Variants in DKK4 observed in about 807,000 individuals in gnomAD.
The protein encoded by DKK4 is dickkopf Wnt signaling pathway inhibitor 4, also known as dickkopf-related protein 4.
Under a neutral mutation model 14.5 loss-of-function variants are expected in DKK4, and 15 were observed. The observed-to-expected ratio is 1.03, with a 90% CI of 0.69 to 1.59. The LOEUF is 1.59. Among genes scored for constraint, DKK4 ranks in the 40% most tolerant of loss-of-function variants. The pLI, the probability that DKK4 is intolerant of heterozygous loss-of-function variation, is 0.00. For synonymous variants in DKK4, 89 were observed against 105.2 expected, an observed-to-expected ratio of 0.85 and a Z score of 0.94; for missense variants, 272 against 280.3, an observed-to-expected ratio of 0.97 and a Z score of 0.21.
At chr8:42,380,244 G>T (rs1824647313), upstream of DKK4, among the ~76,000 whole-genome samples, 1 of 151,852 alleles carries the variant, frequency 6.6e-6, no homozygotes, top group Admixed American at 6.6e-5. Flanking sequence ...GAGGCAAGAG[G>T]ATTGCTTGAG....
the DKK4 span, among the ~76,000 whole-genome samples, chr8:42,384,993 A>G: frequency 6.6e-6 from 1 of 152,210 alleles, no homozygotes; most frequent in African/African-American, 2.4e-5. Context: ...AGTGACTGAG[A>G]CTAAATGACT....
upstream of DKK4, among the ~76,000 whole-genome samples, chr8:42,381,968 G>T (rs1160838657): frequency 6.6e-6 from 1 of 152,216 alleles, no homozygotes; most frequent in Non-Finnish European, 1.5e-5. Flanking sequence ...CTGCACTCCA[G>T]CCTGGGCGAC....
upstream of DKK4, among the ~76,000 whole-genome samples, chr8:42,377,717 A>C (rs1167123492): frequency 1.3e-5 from 2 of 152,228 alleles, no homozygotes; most frequent in Non-Finnish European, 2.9e-5. Flanking sequence ...ACGCCCCCTG[A>C]TTAGCTCTGG....
rs781267904 is a variant in DKK4, at chr8:42,375,729, C to T, written c.213G>A (p.Arg71=). ...AGCACATGGCATCTCGCTGGCACCT[C>T]CTCCGCAACCCACGACATGTAGCAC... is the stretch of plus-strand genomic sequence containing the variant. ...PFCATCRGLR[R]RCQRDAMCCP... The change falls in exon 2 of 4, where the codon AGG becomes AGA. Residue 71 remains arginine (R), a synonymous_variant. Transcript: ENST00000220812. 43 of 1,613,910 alleles carry T rather than the reference C, an allele frequency of 2.7e-5. No individual in the cohort carries two copies. The highest frequency in any genetic ancestry group is 3.1e-5 in the Non-Finnish European group (36 of 1,180,034).
chr8:42,382,667 G>T, the DKK4 span, among the ~76,000 whole-genome samples: 1 of 152,218 alleles, frequency 6.6e-6, no homozygotes, highest in East Asian at 1.9e-4. Flanking sequence ...TCTGGCCAAG[G>T]TGCTGCCATA....
the DKK4 span, among the ~76,000 whole-genome samples, chr8:42,385,185 A>T: frequency 1.7e-4 from 26 of 152,294 alleles, no homozygotes; most frequent in Non-Finnish European, 3.7e-4. Flanking sequence ...TGAGCCCAGT[A>T]GTTTAAGACC....
At chr8:42,386,423 C>T in the DKK4 span, among the ~76,000 whole-genome samples, 1 of 152,230 alleles carries the variant, frequency 6.6e-6, no homozygotes, top group African/African-American at 2.4e-5. Flanking sequence ...TATACCACAA[C>T]CCAGAATATG....
At chr8:42,389,297 G>A in the DKK4 span, among the ~76,000 whole-genome samples, 1 of 152,200 alleles carries the variant, frequency 6.6e-6, no homozygotes, top group Non-Finnish European at 1.5e-5. Flanking sequence ...TATTAAGTTA[G>A]TTCTGTTTCA....
rs1023926238 is a variant in DKK4, at chr8:42,374,341, C to A, written c.434G>T (p.Cys145Phe). Residue 145 changes from cysteine (C) to phenylalanine (F), a missense_variant, in exon 4 of 4, where the codon TGT becomes TTT. Physicochemically the swap from Cys to Phe is radical, Grantham distance 205. Transcript: ENST00000220812. The stretch of plus-strand genomic sequence containing the variant: ...AGGGCCACAGTCAAAAGTTCTCAGA[C>A]AACTTTCTCCCTCTTGTCCTGTAAC... ...QGRKGQEGES[C>F]LRTFDCGPGL... 1 of 1,613,604 alleles carries A rather than the reference C, an allele frequency of 6.2e-7. No individual in the cohort carries two copies. Among genetic ancestry groups the A allele is most frequent in the Non-Finnish European group, 8.5e-7 (1 of 1,179,922 alleles).
chr8:42,391,311 T>C, the DKK4 span, among the ~76,000 whole-genome samples: 1 of 144,844 alleles, frequency 6.9e-6, no homozygotes, highest in Non-Finnish European at 1.5e-5. Context: ...GGATCACTTA[T>C]GCCGTGGAGT....
At chr8:42,388,314 C>G in the DKK4 span, among the ~76,000 whole-genome samples, 17 of 152,134 alleles carry the variant, frequency 1.1e-4, no homozygotes, top group African/African-American at 3.1e-4. Flanking sequence ...ACTGCAACCT[C>G]TACCTCCCAG....
chr8:42,382,709 C>T, the DKK4 span, among the ~76,000 whole-genome samples: 48 of 152,244 alleles, frequency 3.2e-4, no homozygotes, highest in South Asian at 1.0e-3. Context: ...TATGGGTTAA[C>T]TGGAAAATTT....
the DKK4 span, among the ~76,000 whole-genome samples, chr8:42,390,818 C>T: frequency 5.3e-5 from 8 of 152,324 alleles, no homozygotes; most frequent in African/African-American, 1.9e-4. Flanking sequence ...CTGTGTCCCT[C>T]TCTGTGCCTC....
chr8:42,382,027 C>A (rs1278110917), upstream of DKK4, among the ~76,000 whole-genome samples: 1 of 152,022 alleles, frequency 6.6e-6, no homozygotes, highest in East Asian at 1.9e-4. Flanking sequence ...GACAAAAAAA[C>A]CTCTAAACAA....
In DKK4 at chr8:42,375,716, C is replaced by G. The variant is rs1824545610; in HGVS notation, c.226G>C (p.Asp76His). The G allele has an allele frequency of 6.2e-7, 1 of 1,613,740 alleles. No homozygotes were observed. The highest frequency in any genetic ancestry group is 1.1e-5 in the South Asian group (1 of 91,070). ...AGTGTCCCAGGGCAGCACATGGCAT[C>G]TCGCTGGCACCTCCTCCGCAACCCA... The part of the protein sequence containing the change: ...CRGLRRRCQR[D>H]AMCCPGTLCV... The change falls in exon 2 of 4, where the codon GAT becomes CAT. Residue 76 changes from aspartate to histidine, a missense_variant. By Grantham distance (81) the Asp-to-His change is moderately conservative. Transcript: ENST00000220812.
the DKK4 span, among the ~76,000 whole-genome samples, chr8:42,383,254 G>A: frequency 1.3e-5 from 2 of 152,208 alleles, no homozygotes; most frequent in African/African-American, 4.8e-5. Context: ...GGGGAGTGAA[G>A]GGCAGCACCC....
At chr8:42,390,591 C>T in the DKK4 span, among the ~76,000 whole-genome samples, 1 of 151,560 alleles carries the variant, frequency 6.6e-6, no homozygotes, top group African/African-American at 2.4e-5. Flanking sequence ...TCTCGATCTC[C>T]TGACCTCATG....
upstream of DKK4, among the ~76,000 whole-genome samples, chr8:42,381,323 T>G (rs1022150460): frequency 2.0e-5 from 3 of 151,948 alleles, no homozygotes; most frequent in Admixed American, 2.0e-4. Context: ...GATAAGAGGG[T>G]GCCTTGAGAA....
In DKK4 at chr8:42,374,102, A is replaced by G. The variant is rs764320856; in HGVS notation, c.673T>C (p.Ter225GlnextTer?). 6.2e-6 allele frequency: 10 copies of G among 1,610,318 alleles called. No homozygotes were observed. In the East Asian group the frequency reaches 1.8e-4, roughly 29 times the overall value. Reference protein sequence around the residue: ...LRVCQKIEKL* With the variant: ...LRVCQKIEKLQ ...GATTCTTCTTTATTTTGAAATATTTATAGCTTTTCTATTTTTTGGCATACT... is the reference window on the plus strand; with the variant it reads ...GATTCTTCTTTATTTTGAAATATTTGTAGCTTTTCTATTTTTTGGCATACT... Residue 225 changes from the stop codon to glutamine (Q), a stop_lost, in exon 4 of 4, where the codon TAA becomes CAA. Coordinates refer to ENST00000220812, the MANE Select transcript of DKK4 (RefSeq NM_014420.3).
Sources: allele counts gnomAD v4.1 joint callset (sites outside exome capture counted in the v4.1 genomes callset), GRCh38; gene constraint gnomAD v4.1.1; transcripts MANE v1.5; gene names NCBI Gene and HGNC (gene_info 2026-07-23, HGNC 2026-07-21).